EIF4A2: variants seen among roughly 807,000 people sequenced by gnomAD.
The protein encoded by EIF4A2 is eukaryotic translation initiation factor 4A2, also known as eukaryotic initiation factor 4A-II.
A neutral mutation model predicts 50.6 loss-of-function variants in EIF4A2; 9 were observed. The ratio of observed to expected loss-of-function variants is 0.18; its 90% CI spans 0.11 to 0.31. EIF4A2 has a LOEUF of 0.31. Ranked by LOEUF, EIF4A2 falls within the 10% of genes least tolerant of loss-of-function variation. The pLI, the probability that EIF4A2 is intolerant of heterozygous loss-of-function variation, is 1.00. For synonymous variants in EIF4A2, 215 were observed against 164.4 expected (o/e 1.31, Z -2.35); for missense variants, 182 against 501.8 (o/e 0.36, Z 6.09).
intron 5 of EIF4A2, 25 bp from the exon 6 acceptor site, chr3:186,786,139 G>A (rs886499374): frequency 6.2e-7 from 1 of 1,609,554 alleles, no homozygotes; most frequent in Non-Finnish European, 8.5e-7. Context: ...ATCTAGAAAT[G>A]ACAGTATGAC....
chr3:186,785,715 AT>A, intron 4 of EIF4A2, 167 bp from the exon 5 acceptor site: 1 of 804,660 alleles, frequency 1.2e-6, no homozygotes, highest in Non-Finnish European at 1.9e-6. Context: ...CATTAAGGGA[AT>A]TTTACCTTGC....
At chr3:186,788,220 AC>A in intron 10 of EIF4A2, 1 of 1,115,186 alleles carries the variant, frequency 9.0e-7, no homozygotes, top group East Asian at 4.9e-5. Context: ...ATTTGAGTGA[AC>A]CCTGGTTTAG....
Position 186,787,832 on chromosome 3 carries a change from T to C in EIF4A2, c.1029T>C (p.Ser343=). The change falls in exon 10 of 11, where the codon TCT becomes TCC. Residue 343 remains serine (S), a synonymous_variant. Transcript: ENST00000323963. ...GCGGGATTGATGTGCAACAAGTGTC[T>C]TTGGTTATAAATTATGATCTACCTA... is the stretch of plus-strand genomic sequence containing the variant. The part of the protein sequence containing the change: ...LARGIDVQQV[S]LVINYDLPTN... 6.2e-7 allele frequency: 1 copy of C among 1,613,958 alleles called. No homozygotes were observed. Among genetic ancestry groups the C allele is most frequent in the South Asian group, 1.1e-5 (1 of 91,084 alleles).
intron 3 of EIF4A2, 64 bp from the exon 4 acceptor site, chr3:186,784,898 A>C: frequency 6.2e-7 from 1 of 1,613,150 alleles, no homozygotes; most frequent in Non-Finnish European, 8.5e-7. Flanking sequence ...AATGGAATAC[A>C]TGGTGTGAAG....
chr3:186,788,253 ATAAAT>A (rs1721883649), intron 10 of EIF4A2: 1 of 1,278,798 alleles, frequency 7.8e-7, no homozygotes, highest in Non-Finnish European at 1.0e-6. Flanking sequence ...TTATCCCTAA[ATAAAT>A]TGAATTGTAC....
At chr3:186,784,070 G>T in intron 1 of EIF4A2, 1 of 438,716 alleles carries the variant, frequency 2.3e-6, no homozygotes, top group Non-Finnish European at 4.1e-6. Flanking sequence ...CGGCGCGGAG[G>T]CGACGGGACA....
Position 186,784,543 on chromosome 3 carries a change from A to G in EIF4A2, c.76-21A>G, listed in dbSNP as rs757147052. 13 of 1,614,066 alleles carry G rather than the reference A, an allele frequency of 8.1e-6. No individual in the cohort carries two copies. In the African/African-American group the frequency reaches 9.3e-5, roughly 12 times the overall value. ...GTGTGTTCATCTCATTTATGCGTGC[A>G]TTATTTTTTCTAACTTACAGAGCAA... On this transcript the variant is annotated intron_variant, in intron 2 of 10. Coordinates refer to ENST00000323963, the MANE Select transcript of EIF4A2 (RefSeq NM_001967.4).
chr3:186,783,727 C>G (rs2108453176), intron 1 of EIF4A2, 88 bp downstream of exon 1: 1 of 1,598,292 alleles, frequency 6.3e-7, no homozygotes, highest in Non-Finnish European at 8.6e-7. Flanking sequence ...GGCAAAAACT[C>G]TAAATTAATG....
At chr3:186,788,108 G>C (rs1289460348) in intron 10 of EIF4A2, 1 of 687,478 alleles carries the variant, frequency 1.5e-6, no homozygotes, top group Non-Finnish European at 2.3e-6. Flanking sequence ...ACAATTGTTG[G>C]TCTTACCTTA....
Position 186,783,629 on chromosome 3 carries a change from G to T in EIF4A2, c.19G>T (p.Asp7Tyr). 2.5e-6 allele frequency: 4 copies of T among 1,614,200 alleles called. No individual in the cohort carries two copies. Among genetic ancestry groups the T allele is most frequent in the Non-Finnish European group, 3.4e-6 (4 of 1,180,036 alleles). ...TCGGATCATGTCTGGTGGCTCCGCG[G>T]ATTATAACAGGTATGCAGTCTGTTG... MSGGSADYNREHGGPEG... is the reference protein window; with the variant it reads MSGGSAYYNREHGGPEG... The change falls in exon 1 of 11, where the codon GAT (aspartate) becomes TAT (tyrosine). Residue 7 changes from aspartate (D) to tyrosine (Y), a missense_variant. Asp to Tyr is a radical substitution (Grantham distance 160). Transcript: ENST00000323963.
intron 10 of EIF4A2, chr3:186,788,224 TG>T (rs1225023449): frequency 7.8e-5 from 91 of 1,170,000 alleles, no homozygotes; most frequent in Admixed American, 2.1e-4. Context: ...GAGTGAACCC[TG>T]GTTTAGTTAT....
chr3:186,788,089 T>A, intron 10 of EIF4A2: 1 of 707,458 alleles, frequency 1.4e-6, no homozygotes, highest in Non-Finnish European at 2.3e-6. Flanking sequence ...GGACATAGGG[T>A]TTTTTTCCAC....
rs906524155 is a variant in EIF4A2, at chr3:186,789,537, G to A, written c.*268G>A. 1.1e-5 allele frequency: 4 copies of A among 374,382 alleles called. No individual in the cohort carries two copies. Among genetic ancestry groups the A allele is most frequent in the Middle Eastern group, 1.4e-3 (2 of 1,424 alleles). 23.2% of individuals were successfully genotyped at this position (374,382 alleles called of 1,614,324 possible). A position where few individuals can be genotyped will look rare whatever the true frequency, so the allele number is the denominator to read the frequency against. ...TTCTTTCTTAGAAATTTATTTCCTA[G>A]TTCTGTAGAAATGGTTGTATTAGAT... On this transcript the variant is annotated 3_prime_UTR_variant, in exon 11 of 11. Coordinates refer to ENST00000323963, the MANE Select transcript of EIF4A2 (RefSeq NM_001967.4).
intron 3 of EIF4A2, 66 bp downstream of exon 3, chr3:186,784,762 C>G: frequency 6.2e-7 from 1 of 1,609,102 alleles, no homozygotes; most frequent in Non-Finnish European, 8.5e-7. Flanking sequence ...GGGAAAGTAA[C>G]CTCTGGGGGA....
chr3:186,784,308 G>A (rs1721562112), intron 1 of EIF4A2, 124 bp from the exon 2 acceptor site: 3 of 1,405,162 alleles, frequency 2.1e-6, no homozygotes, highest in Admixed American at 1.8e-5. Flanking sequence ...TTCGCCCTGA[G>A]GCTGCTGCTT....
intron 4 of EIF4A2, chr3:186,785,682 A>C: frequency 5.3e-6 from 3 of 566,206 alleles, no homozygotes; most frequent in Non-Finnish European, 9.0e-6. Context: ...CAGCATCCCA[A>C]GTTTGACAAG....
At chr3:186,785,182 A>T in intron 4 of EIF4A2, 81 bp downstream of exon 4, 1 of 1,570,712 alleles carries the variant, frequency 6.4e-7, no homozygotes, top group Non-Finnish European at 8.6e-7. Context: ...TTTAAAACTT[A>T]GTATAAATTG....
intron 4 of EIF4A2, chr3:186,785,413 TC>T: frequency 2.5e-6 from 1 of 401,486 alleles, no homozygotes; most frequent in Non-Finnish European, 4.5e-6. Flanking sequence ...TTTGACTGTC[TC>T]CGTAGTTCGT....
chr3:186,784,049 C>G, intron 1 of EIF4A2: 1 of 426,622 alleles, frequency 2.3e-6, no homozygotes, highest in South Asian at 2.8e-5. Flanking sequence ...GCAGCGGTCT[C>G]CACTCGGCCA....
Sources: gnomAD v4.1 joint callset for allele counts on GRCh38, gnomAD v4.1.1 for gene constraint, MANE v1.5 for transcripts, NCBI Gene and HGNC (gene_info 2026-07-23, HGNC 2026-07-21) for gene names.